The following TLE4 variants were observed in gnomAD, a reference collection of about 807,000 sequenced individuals.
The protein encoded by TLE4 is transducin-like enhancer protein 4.
Under a neutral mutation model 92.8 loss-of-function variants are expected in TLE4, and 8 were observed. That is an observed-to-expected ratio of 0.09 (90% CI 0.05 to 0.16). The LOEUF is 0.16. Among genes scored for constraint, TLE4 ranks in the 10% least tolerant of loss-of-function variants. TLE4 has a pLI of 1.00. For missense variants in TLE4, 675 were observed against 997.6 expected (o/e 0.68, Z 4.36); for synonymous variants, 371 against 374.1 (o/e 0.99, Z 0.10).
intron 5 of TLE4, 45 bp from the exon 6 acceptor site, chr9:79,627,329 G>T (rs1248589640): frequency 6.3e-7 from 1 of 1,592,802 alleles, no homozygotes; most frequent in Admixed American, 1.7e-5. Context: ...TCTTGACTGA[G>T]TAGAAAACAA....
intron 6 of TLE4, among the ~76,000 whole-genome samples, chr9:79,635,698 A>G (rs899769176): frequency 6.6e-6 from 1 of 151,646 alleles, no homozygotes; most frequent in African/African-American, 2.4e-5. Context: ...CCTTATATGT[A>G]TGAGTGTATT....
chr9:79,709,612 A>G lies in TLE4; in HGVS notation c.1264-11A>G, dbSNP rs1284128870. ...TGCTTATTTCTGTTGTTTGCTTGGGAAAAATTCTAGGTGGGATTTGATCCA... is the reference window on the plus strand; with the variant it reads ...TGCTTATTTCTGTTGTTTGCTTGGGGAAAATTCTAGGTGGGATTTGATCCA... On this transcript the variant is annotated splice_polypyrimidine_tract_variant and intron_variant, in intron 13 of 19. Coordinates refer to ENST00000376552, the MANE Select transcript of TLE4 (RefSeq NM_007005.6). The G allele has an allele frequency of 5.0e-6, 8 of 1,613,186 alleles. No individual in the cohort carries two copies. The highest frequency in any genetic ancestry group is 1.1e-5 in the South Asian group (1 of 90,958).
At chr9:79,608,110 T>G (rs1220729605) in intron 4 of TLE4, among the ~76,000 whole-genome samples, 2 of 152,104 alleles carry the variant, frequency 1.3e-5, no homozygotes, top group East Asian at 3.9e-4. Flanking sequence ...CTATGTTGAA[T>G]AGGAGTTAAT....
At chr9:79,587,195 T>G (rs1425254673) in intron 4 of TLE4, among the ~76,000 whole-genome samples, 1 of 152,220 alleles carries the variant, frequency 6.6e-6, no homozygotes, top group Admixed American at 6.5e-5. Flanking sequence ...GTGGTTTAAT[T>G]TTTTCATTTT....
intron 5 of TLE4, among the ~76,000 whole-genome samples, chr9:79,613,703 G>T (rs1306658944): frequency 6.6e-6 from 1 of 152,112 alleles, no homozygotes; most frequent in Non-Finnish European, 1.5e-5. Context: ...CAGGAGAGAG[G>T]TTCATTCACC....
At chr9:79,624,568 C>G (rs1378962286) in intron 5 of TLE4, among the ~76,000 whole-genome samples, 2 of 152,214 alleles carry the variant, frequency 1.3e-5, no homozygotes, top group African/African-American at 4.8e-5. Context: ...GAAGCTGAAT[C>G]ATGACTTCCA....
chr9:79,573,033 A>G (rs907554383), intron 1 of TLE4, among the ~76,000 whole-genome samples, 198 bp downstream of exon 1: 2 of 151,722 alleles, frequency 1.3e-5, no homozygotes, highest in African/African-American at 4.8e-5. Context: ...CGGAGAGGCA[A>G]TTGAGTTGTA....
intron 8 of TLE4, among the ~76,000 whole-genome samples, chr9:79,673,913 G>A (rs951133707): frequency 6.6e-6 from 1 of 152,032 alleles, no homozygotes; most frequent in African/African-American, 2.4e-5. Flanking sequence ...TGCCTTCCTG[G>A]GGGGTGATTT....
At chr9:79,618,591 T>G (rs2807307) in intron 5 of TLE4, among the ~76,000 whole-genome samples, 47,680 of 152,126 alleles carry the variant, frequency 0.31, 8,029 homozygotes, top group African/African-American at 0.44. Flanking sequence ...TTGTTTCTAG[T>G]CACTGGGTGC....
intron 4 of TLE4, among the ~76,000 whole-genome samples, chr9:79,600,259 A>G (rs1358723925): frequency 6.6e-6 from 1 of 152,236 alleles, no homozygotes; most frequent in Non-Finnish European, 1.5e-5. Flanking sequence ...CTAGTCAAGT[A>G]TTAAAAAAGA....
chr9:79,594,890 A>G (rs2043568440), intron 4 of TLE4, among the ~76,000 whole-genome samples: 1 of 152,224 alleles, frequency 6.6e-6, no homozygotes, highest in Non-Finnish European at 1.5e-5. Context: ...TAAAGCTCAA[A>G]CATACTTAAG....
intron 19 of TLE4, among the ~76,000 whole-genome samples, chr9:79,724,497 C>T (rs941289957): frequency 2.6e-5 from 4 of 152,048 alleles, no homozygotes; most frequent in African/African-American, 9.7e-5. Flanking sequence ...ACAGAAGCCT[C>T]CTGACTGACC....
intron 5 of TLE4, 45 bp from the exon 6 acceptor site, chr9:79,627,329 G>A: frequency 6.3e-7 from 1 of 1,592,802 alleles, no homozygotes; most frequent in South Asian, 1.1e-5. Context: ...TCTTGACTGA[G>A]TAGAAAACAA....
intron 19 of TLE4, among the ~76,000 whole-genome samples, chr9:79,723,471 A>C (rs1249847555): frequency 6.6e-6 from 1 of 152,214 alleles, no homozygotes; most frequent in East Asian, 1.9e-4. Context: ...AATCAGTTTT[A>C]TAAACTTTTA....
At chr9:79,680,305 T>C (rs1199035695) in intron 8 of TLE4, among the ~76,000 whole-genome samples, 1 of 152,006 alleles carries the variant, frequency 6.6e-6, no homozygotes, top group African/African-American at 2.4e-5. Flanking sequence ...AGCAGTGGTT[T>C]GTAGTTCTCC....
chr9:79,690,833 G>A (rs1192434414), intron 8 of TLE4, among the ~76,000 whole-genome samples: 8 of 120,496 alleles, frequency 6.6e-5, no homozygotes, highest in East Asian at 2.5e-4. Context: ...ACAGGGTTTC[G>A]CCATGCTGCC....
chr9:79,604,124 C>T (rs1040585925), intron 4 of TLE4, among the ~76,000 whole-genome samples: 8 of 151,918 alleles, frequency 5.3e-5, no homozygotes, highest in Non-Finnish European at 1.2e-4. Flanking sequence ...GGGAGGAGGA[C>T]GAGTAATTGA....
chr9:79,624,313 G>A (rs567406541), intron 5 of TLE4, among the ~76,000 whole-genome samples: 10 of 152,108 alleles, frequency 6.6e-5, no homozygotes, highest in African/African-American at 2.2e-4. Context: ...ACCTTCCCTG[G>A]TGGGTGCTTC....
At chr9:79,589,039 G>T (rs1202004464) in intron 4 of TLE4, among the ~76,000 whole-genome samples, 1 of 152,208 alleles carries the variant, frequency 6.6e-6, no homozygotes, top group Non-Finnish European at 1.5e-5. Flanking sequence ...CATGTAGTGG[G>T]TAGAGTCTGG....
Sources: gnomAD v4.1 joint callset for allele counts (sites outside exome capture counted in the v4.1 genomes callset) on GRCh38, gnomAD v4.1.1 for gene constraint, MANE v1.5 for transcripts, NCBI Gene and HGNC (gene_info 2026-07-23, HGNC 2026-07-21) for gene names.